Variants in CNTN5 observed in about 807,000 individuals in gnomAD.
The protein encoded by CNTN5 is contactin-5.
CNTN5 carries 77 observed loss-of-function variants against 129.1 expected under a neutral mutation model. That is an observed-to-expected ratio of 0.60 (90% confidence interval 0.50 to 0.72). The LOEUF (loss-of-function observed/expected upper bound fraction) is 0.72. Ranked by LOEUF, CNTN5 falls within the 30% of genes least tolerant of loss-of-function variation. CNTN5 has a pLI of 0.00. For synonymous variants in CNTN5, 509 were observed against 465.6 expected (o/e 1.09, Z -1.20); for missense variants, 1,478 against 1,328.8 (o/e 1.11, Z -1.75).
chr11:99,031,138 A>G (rs1863355737), intron 1 of CNTN5, among the ~76,000 whole-genome samples: 1 of 151,936 alleles, frequency 6.6e-6, no homozygotes, highest in Non-Finnish European at 1.5e-5. Flanking sequence ...GAAATCTTTT[A>G]AATTGTGAAT....
At chr11:99,704,322 A>C (rs538541415) in intron 3 of CNTN5, among the ~76,000 whole-genome samples, 2 of 150,972 alleles carry the variant, frequency 1.3e-5, no homozygotes, top group Non-Finnish European at 3.0e-5. Flanking sequence ...AATTGATATG[A>C]ATTGGAGGTA....
chr11:99,242,845 A>G (rs1861629055), intron 1 of CNTN5, among the ~76,000 whole-genome samples: 1 of 152,138 alleles, frequency 6.6e-6, no homozygotes, highest in Non-Finnish European at 1.5e-5. Flanking sequence ...ATAGTATTCC[A>G]TGGTGTATAT....
At chr11:100,237,831 G>A (rs1949654125) in intron 16 of CNTN5, among the ~76,000 whole-genome samples, 1 of 152,158 alleles carries the variant, frequency 6.6e-6, no homozygotes, top group Admixed American at 6.5e-5. Flanking sequence ...TGTAAAGATT[G>A]GCTGTCATGA....
intron 3 of CNTN5, among the ~76,000 whole-genome samples, chr11:99,690,575 T>TA (rs139757962): frequency 0.032 from 4,908 of 152,228 alleles, 254 homozygotes; most frequent in African/African-American, 0.11. Flanking sequence ...TCGGCCATTT[T>TA]AAAAAAACTG....
In CNTN5 at chr11:100,272,728, A is replaced by C. The variant is rs1047369330; in HGVS notation, c.2314+1487A>C. ...GGACCCCTACGCGGGGCTACAGCAC[A>C]CCCGGATTTATTTCTGGCCCCCAAC... On this transcript the variant is annotated intron_variant, in intron 18 of 24. Coordinates refer to ENST00000524871, the MANE Select transcript of CNTN5 (RefSeq NM_014361.4). Among the ~76,000 whole-genome samples, 50 of 152,036 alleles carry C rather than the reference A, an allele frequency of 3.3e-4. 1 individual carries two copies. The highest frequency in any genetic ancestry group is 1.2e-3 in the African/African-American group (49 of 41,386).
intron 3 of CNTN5, among the ~76,000 whole-genome samples, chr11:99,714,980 T>G (rs2097861148): frequency 6.6e-6 from 1 of 151,984 alleles, no homozygotes; most frequent in South Asian, 2.1e-4. Context: ...TGCGCTCTAG[T>G]ATTAATTACT....
Position 100,340,513 on chromosome 11 carries a change from A to C in CNTN5, c.2781A>C (p.Lys927Asn). The C allele has an allele frequency of 6.2e-7, 1 of 1,613,386 alleles. No homozygotes were observed. Among genetic ancestry groups the C allele is most frequent in the Non-Finnish European group, 8.5e-7 (1 of 1,179,572 alleles). The part of the protein sequence containing the change: ...MEQEDTAETV[K>N]TRGNESFVIL... ...AGGAAGATACAGCAGAAACAGTCAAAACTAGAGGGAATGAGTCTTTCGTCA... is the reference window on the plus strand; with the variant it reads ...AGGAAGATACAGCAGAAACAGTCAACACTAGAGGGAATGAGTCTTTCGTCA... Residue 927 changes from lysine (K) to asparagine (N), a missense_variant, in exon 22 of 25, where the codon AAA becomes AAC. Coordinates refer to ENST00000524871, the MANE Select transcript of CNTN5 (RefSeq NM_014361.4).
intron 3 of CNTN5, among the ~76,000 whole-genome samples, chr11:99,727,489 A>T: frequency 6.6e-6 from 1 of 152,052 alleles, no homozygotes; most frequent in South Asian, 2.1e-4. Flanking sequence ...TATAATTTTC[A>T]TAGTTATTAT....
intron 2 of CNTN5, among the ~76,000 whole-genome samples, chr11:99,539,327 A>C (rs532548523): frequency 3.3e-5 from 5 of 152,180 alleles, no homozygotes; most frequent in Admixed American, 1.3e-4. Context: ...TAAATCTTTA[A>C]ACTATTAAAC....
intron 15 of CNTN5, among the ~76,000 whole-genome samples, chr11:100,214,186 T>TA (rs200633074): frequency 0.022 from 3,300 of 150,346 alleles, 108 homozygotes; most frequent in African/African-American, 0.076. Context: ...TTAAGTTTTG[T>TA]AAAAAAAAAT....
At chr11:99,451,786 A>C (rs1944311795) in intron 2 of CNTN5, among the ~76,000 whole-genome samples, 1 of 152,150 alleles carries the variant, frequency 6.6e-6, no homozygotes, top group Non-Finnish European at 1.5e-5. Context: ...GAACTAAATT[A>C]GTTTTGGACA....
chr11:100,186,322 C>A (rs536777284), intron 13 of CNTN5, among the ~76,000 whole-genome samples: 24 of 152,270 alleles, frequency 1.6e-4, no homozygotes, highest in African/African-American at 5.5e-4. Flanking sequence ...CTGCACTGAG[C>A]CATGACTGTA....
At chr11:99,959,293 C>T (rs772594999) in intron 8 of CNTN5, among the ~76,000 whole-genome samples, 1 of 152,096 alleles carries the variant, frequency 6.6e-6, no homozygotes, top group Non-Finnish European at 1.5e-5. Flanking sequence ...TGCTACTCTC[C>T]CCTAAATTTT....
intron 3 of CNTN5, among the ~76,000 whole-genome samples, chr11:99,716,419 A>G (rs1417904341): frequency 6.6e-6 from 1 of 151,718 alleles, no homozygotes; most frequent in Admixed American, 6.6e-5. Context: ...CTCCTCTGCT[A>G]CTCCTCAGTA....
At chr11:99,900,987 CT>C (rs1303072124) in intron 6 of CNTN5, among the ~76,000 whole-genome samples, 1 of 152,130 alleles carries the variant, frequency 6.6e-6, no homozygotes, top group Non-Finnish European at 1.5e-5. Context: ...AGACATCCTA[CT>C]TGGAATTTTG....
chr11:99,411,806 A>G (rs1333694702), intron 2 of CNTN5, among the ~76,000 whole-genome samples: 2 of 152,198 alleles, frequency 1.3e-5, no homozygotes, highest in African/African-American at 2.4e-5. Context: ...CACTAAAGTC[A>G]CTGTATAAAC....
At chr11:99,167,304 C>T (rs1860919228) in intron 1 of CNTN5, among the ~76,000 whole-genome samples, 1 of 151,832 alleles carries the variant, frequency 6.6e-6, no homozygotes, top group African/African-American at 2.4e-5. Context: ...GGTAGATAGA[C>T]ATAGATAAGC....
intron 3 of CNTN5, among the ~76,000 whole-genome samples, chr11:99,817,825 A>G (rs1472367807): frequency 6.7e-6 from 1 of 149,382 alleles, no homozygotes; most frequent in African/African-American, 2.4e-5. Context: ...CTGTTCACAT[A>G]TAGTTTGCCC....
At chr11:99,065,142 A>C (rs2135227253) in intron 1 of CNTN5, among the ~76,000 whole-genome samples, 1 of 150,424 alleles carries the variant, frequency 6.6e-6, no homozygotes, top group Non-Finnish European at 1.5e-5. Flanking sequence ...TCAGTTTTTT[A>C]ATTAAATGCC....
Sources: gnomAD v4.1 joint callset for allele counts (sites outside exome capture counted in the v4.1 genomes callset) on GRCh38, gnomAD v4.1.1 for gene constraint, MANE v1.5 for transcripts, NCBI Gene and HGNC (gene_info 2026-07-23, HGNC 2026-07-21) for gene names.